Variants in TBCK observed in about 807,000 individuals in gnomAD.
The protein encoded by TBCK is TBC domain-containing protein kinase-like protein.
Under a neutral mutation model 113.4 loss-of-function variants are expected in TBCK, and 99 were observed. The ratio of observed to expected loss-of-function variants is 0.87; its 90% CI spans 0.74 to 1.03. The LOEUF (loss-of-function observed/expected upper bound fraction) is 1.03, where lower values mean the gene tolerates loss of function less well. TBCK is among the 50% of genes least tolerant of loss of function. The probability of loss-of-function intolerance (pLI) is 0.00; values close to 1 mark genes in which losing one functional copy is unlikely to be tolerated. For synonymous variants in TBCK, 369 were observed against 370.8 expected (o/e 1.00, Z 0.05); for missense variants, 1,045 against 1,061.3 (o/e 0.98, Z 0.21).
At chr4:106,110,649 AAAC>A (rs1742734925) in intron 24 of TBCK, among the ~76,000 whole-genome samples, 2 of 152,316 alleles carry the variant, frequency 1.3e-5, no homozygotes, top group South Asian at 4.1e-4. Flanking sequence ...TAGAAATCTT[AAAC>A]AACATGATGT....
chr4:106,114,814 G>A (rs1185101587), intron 24 of TBCK, among the ~76,000 whole-genome samples: 1 of 152,158 alleles, frequency 6.6e-6, no homozygotes, highest in Non-Finnish European at 1.5e-5. Context: ...ACATTAAACA[G>A]ATTCTAAACT....
intron 20 of TBCK, among the ~76,000 whole-genome samples, chr4:106,197,266 CAG>C (rs1231674773): frequency 6.6e-6 from 1 of 151,112 alleles, no homozygotes; most frequent in Non-Finnish European, 1.5e-5. Context: ...AAGATTCTGC[CAG>C]AGAGAGAGAT....
chr4:106,147,478 G>A (rs527679273), intron 23 of TBCK, among the ~76,000 whole-genome samples: 347 of 152,300 alleles, frequency 2.3e-3, no homozygotes, highest in Non-Finnish European at 3.4e-3. Context: ...GCAGAAGAAC[G>A]TGGATTGTGA....
chr4:106,256,525 C>A (rs1762007831), intron 5 of TBCK, among the ~76,000 whole-genome samples: 1 of 152,182 alleles, frequency 6.6e-6, no homozygotes, highest in Non-Finnish European at 1.5e-5. Flanking sequence ...GTACAGGGAG[C>A]CGGGAGAGGC....
intron 25 of TBCK, among the ~76,000 whole-genome samples, chr4:106,082,636 G>A (rs1158576618): frequency 6.6e-6 from 1 of 151,998 alleles, no homozygotes; most frequent in African/African-American, 2.4e-5. Context: ...CTTGAGACTG[G>A]GTAATTTATA....
intron 22 of TBCK, among the ~76,000 whole-genome samples, chr4:106,176,494 G>A (rs1421246440): frequency 6.6e-6 from 1 of 152,064 alleles, no homozygotes; most frequent in East Asian, 1.9e-4. Flanking sequence ...CATCCATGTT[G>A]TTGCAAATGA....
At chr4:106,212,098 T>A (rs1207604263) in intron 20 of TBCK, among the ~76,000 whole-genome samples, 1 of 152,118 alleles carries the variant, frequency 6.6e-6, no homozygotes, top group Admixed American at 6.6e-5. Flanking sequence ...ACCACTTGCA[T>A]CCCCATCACC....
At chr4:106,212,618 C>A in intron 20 of TBCK, 132 bp downstream of exon 20, 1 of 607,900 alleles carries the variant, frequency 1.6e-6, no homozygotes, top group Non-Finnish European at 2.9e-6. Flanking sequence ...TAATACAAGG[C>A]TACAATTAGT....
intron 25 of TBCK, among the ~76,000 whole-genome samples, chr4:106,092,867 T>G (rs1420417032): frequency 6.6e-6 from 1 of 152,184 alleles, no homozygotes; most frequent in African/African-American, 2.4e-5. Flanking sequence ...GAAGGGCTCC[T>G]CAAGTGCAGC....
intron 23 of TBCK, chr4:106,164,406 T>C (rs1750138255): frequency 6.6e-6 from 1 of 152,140 alleles, no homozygotes; most frequent in South Asian, 2.1e-4. Flanking sequence ...AAAAGATTTC[T>C]TCTTATTTAA....
chr4:106,252,880 A>G (rs776974601), intron 5 of TBCK, among the ~76,000 whole-genome samples: 18 of 152,108 alleles, frequency 1.2e-4, no homozygotes, highest in Non-Finnish European at 2.9e-5. Flanking sequence ...TAAGTAATAC[A>G]TGAGGGTGCC....
chr4:106,178,234 G>T (rs571974507), intron 22 of TBCK, among the ~76,000 whole-genome samples: 1 of 151,818 alleles, frequency 6.6e-6, no homozygotes, highest in Non-Finnish European at 1.5e-5. Context: ...AGTCTTGAGG[G>T]TTTTCCAAAT....
At chr4:106,294,559 G>A (rs368055113) in intron 3 of TBCK, among the ~76,000 whole-genome samples, 17 of 151,246 alleles carry the variant, frequency 1.1e-4, no homozygotes, top group African/African-American at 3.6e-4. Flanking sequence ...TCGGCTCACC[G>A]TAAGCTCCGC....
intron 22 of TBCK, among the ~76,000 whole-genome samples, chr4:106,173,534 T>C: frequency 6.6e-6 from 1 of 152,130 alleles, no homozygotes; most frequent in Non-Finnish European, 1.5e-5. Context: ...GTCAGTGATC[T>C]AGAGTAAAGG....
At chr4:106,154,303 ACT>A (rs1331299406) in intron 23 of TBCK, among the ~76,000 whole-genome samples, 1 of 152,210 alleles carries the variant, frequency 6.6e-6, no homozygotes. Flanking sequence ...TAATATTAAC[ACT>A]GTTTGCATAG....
Position 106,130,241 on chromosome 4 carries a change from T to C in TBCK, c.2236-13863A>G, listed in dbSNP as rs368962233. 4.6e-5 allele frequency among the ~76,000 whole-genome samples: 7 copies of C among 152,220 alleles called. 1 individual carries two copies. The highest frequency in any genetic ancestry group is 1.2e-4 in the African/African-American group (5 of 41,464). On this transcript the variant is annotated intron_variant, in intron 23 of 25. Coordinates refer to ENST00000394708, the MANE Select transcript of TBCK (RefSeq NM_001163435.3). ...CTTCTGGAGAAAAATGTGTAATATGTATTAAAATATGCACATCTTTTAATC... is the reference window on the plus strand; with the variant it reads ...CTTCTGGAGAAAAATGTGTAATATGCATTAAAATATGCACATCTTTTAATC...
chr4:106,303,969 T>A (rs188000276), intron 2 of TBCK, among the ~76,000 whole-genome samples: 49 of 152,264 alleles, frequency 3.2e-4, no homozygotes, highest in Middle Eastern at 6.8e-3. Context: ...GTGGGACCCA[T>A]GAAGGGGCTT....
At chr4:106,123,542 C>T (rs1744735063) in intron 23 of TBCK, among the ~76,000 whole-genome samples, 1 of 152,114 alleles carries the variant, frequency 6.6e-6, no homozygotes, top group Non-Finnish European at 1.5e-5. Flanking sequence ...CATATGGAAC[C>T]AAAAAAGAGC....
chr4:106,265,554 G>A (rs1762922114), intron 3 of TBCK, among the ~76,000 whole-genome samples: 1 of 151,816 alleles, frequency 6.6e-6, no homozygotes, highest in African/African-American at 2.4e-5. Flanking sequence ...GAGAGCAAGA[G>A]GGAAAGAGAC....
Sources: allele counts gnomAD v4.1 joint callset (sites outside exome capture counted in the v4.1 genomes callset), GRCh38; gene constraint gnomAD v4.1.1; transcripts MANE v1.5; gene names NCBI Gene and HGNC (gene_info 2026-07-23, HGNC 2026-07-21).